AGPAT1: variants seen among roughly 807,000 people sequenced by gnomAD.
AGPAT1 encodes 1-acyl-sn-glycerol-3-phosphate acyltransferase alpha.
AGPAT1 carries 6 observed loss-of-function variants against 31.2 expected under a neutral mutation model. The observed-to-expected ratio is 0.19, with a 90% CI of 0.11 to 0.38. The LOEUF is 0.38. Among genes scored for constraint, AGPAT1 ranks in the 10% least tolerant of loss-of-function variants. The probability of loss-of-function intolerance (pLI) is 1.00; values close to 1 mark genes in which losing one functional copy is unlikely to be tolerated. For missense variants in AGPAT1, 187 were observed against 377.8 expected, an observed-to-expected ratio of 0.49 and a Z score of 4.19; for synonymous variants, 139 against 154.0, an observed-to-expected ratio of 0.90 and a Z score of 0.72.
Position 32,168,625 on chromosome 6 carries a change from G to A in AGPAT1, c.*651C>T, listed in dbSNP as rs1784769854. 6.5e-6 allele frequency: 1 copy of A among 154,156 alleles called. No homozygotes were observed. The highest frequency in any genetic ancestry group is 2.4e-5 in the African/African-American group (1 of 41,432). The allele number at this position is 154,156 out of a possible 1,614,324, so 9.5% of individuals were successfully genotyped here. A position where few individuals can be genotyped will look rare whatever the true frequency, so the allele number is the denominator to read the frequency against. ...ATGGGGACAGAAAACCAGAAATGTG[G>A]AGACTGAACTGGTATCCCAGAGAGT... On this transcript the variant is annotated 3_prime_UTR_variant, in exon 7 of 7. Coordinates refer to ENST00000375107, the MANE Select transcript of AGPAT1 (RefSeq NM_006411.4). This position sits in a 1 kb window ranked among gnomAD's most constrained non-coding sequence, Gnocchi z 4.5.
rs1785124816 is a variant in AGPAT1 at position 32,171,731 on chromosome 6, T to C, written c.-9-226A>G. The C allele has an allele frequency of 4.9e-6, 3 of 606,326 alleles. No individual in the cohort carries two copies. The African/African-American group carries it at 5.5e-5, about 11-fold the overall frequency. 37.6% of individuals were successfully genotyped at this position (606,326 alleles called of 1,614,324 possible). A position where few individuals can be genotyped will look rare whatever the true frequency, so the allele number is the denominator to read the frequency against. On this transcript the variant is annotated intron_variant, in intron 1 of 6. Transcript: ENST00000375107. The surrounding 1 kb of genome is among the most constrained non-coding windows in gnomAD (Gnocchi z 6.9). ...CACCACTCTTCCCAAAGGCTCCGGA[T>C]ATATTCAGACAAGAGACACAAGACA...
chr6:32,169,667 C>G lies in AGPAT1; in HGVS notation c.680-219G>C, dbSNP rs1056832248. 2.0e-5 allele frequency among the ~76,000 whole-genome samples: 3 copies of G among 152,190 alleles called. No individual in the cohort carries two copies. Reference sequence around the variant, plus strand: ...GACATCTCCTCAGCACCCCTCCAGCCCCCCTCCTCTGGGTTTGGCATTTAC... The same window carrying G: ...GACATCTCCTCAGCACCCCTCCAGCGCCCCTCCTCTGGGTTTGGCATTTAC... On this transcript the variant is annotated intron_variant, in intron 6 of 6. Transcript: ENST00000375107. The surrounding 1 kb of genome is among the most constrained non-coding windows in gnomAD (Gnocchi z 5.9).
At position 32,169,461 on chromosome 6, in the gene AGPAT1, G is replaced by T; in HGVS notation, c.680-13C>A. 6.2e-7 allele frequency: 1 copy of T among 1,611,964 alleles called. No individual in the cohort carries two copies. On this transcript the variant is annotated splice_polypyrimidine_tract_variant and intron_variant, in intron 6 of 6. Transcript: ENST00000375107. The surrounding 1 kb of genome is among the most constrained non-coding windows in gnomAD (Gnocchi z 5.9). Reference sequence around the variant, plus strand: ...ACCTGACATTGTCCTGGGGCAAGGGGAGCACCATCATGGCCTGTCCACCCA... The same window carrying T: ...ACCTGACATTGTCCTGGGGCAAGGGTAGCACCATCATGGCCTGTCCACCCA...
chr6:32,177,395 T>C (rs536841413), upstream of AGPAT1: 46 of 294,768 alleles, frequency 1.6e-4, no homozygotes, highest in Admixed American at 2.0e-3. Context: ...GGGCGGGCTT[T>C]GTCCCTTTTG....
rs1003877948 is a variant in AGPAT1 at position 32,170,360 on chromosome 6, TCA to T, written c.510+63_510+64del. The T allele has an allele frequency of 6.2e-7, 1 of 1,610,832 alleles. No individual in the cohort carries two copies. Among genetic ancestry groups the T allele is most frequent in the African/African-American group, 1.3e-5 (1 of 74,836 alleles). On this transcript the variant is annotated intron_variant, in intron 4 of 6. Coordinates refer to ENST00000375107, the MANE Select transcript of AGPAT1 (RefSeq NM_006411.4). This position sits in a 1 kb window ranked among gnomAD's most constrained non-coding sequence, Gnocchi z 7.7. ...CTTTGAGGCCCACTGGCCCTGCATA[TCA>T]GTTTATTTACAACTGTTCTACTCTG...
In AGPAT1 at chr6:32,172,710, T is replaced by C. The variant is rs3130284; in HGVS notation, c.-9-1205A>G. On this transcript the variant is annotated intron_variant, in intron 1 of 6. Coordinates refer to ENST00000375107, the MANE Select transcript of AGPAT1 (RefSeq NM_006411.4). The surrounding 1 kb of genome is among the most constrained non-coding windows in gnomAD (Gnocchi z 4.3). ...ACACAGCACACAGCATATATGGTGA[T>C]TGTGACAGAACACTCACAGCCATAT... Among the ~76,000 whole-genome samples the C allele has an allele frequency of 0.18, 27,490 of 152,116 alleles. 2,630 individuals carry two copies. Among genetic ancestry groups the C allele is most frequent in the Non-Finnish European group, 0.21 (14,376 of 67,972 alleles).
chr6:32,177,593 C>G (rs1352552564), upstream of AGPAT1: 1 of 152,368 alleles, frequency 6.6e-6, no homozygotes, highest in Non-Finnish European at 1.5e-5. Context: ...GGGTTAACAC[C>G]AGCGCCGCAG....
At position 32,173,993 on chromosome 6, in the gene AGPAT1, T is replaced by A. The variant is rs539971676; in HGVS notation, c.-10+1821A>T. ...TTCCAAACTGTTGGGATTACAGGTG[T>A]GAGCCATCGTGGCTGGCTAGCAATC... On this transcript the variant is annotated intron_variant, in intron 1 of 6. Transcript: ENST00000375107. This position sits in a 1 kb window ranked among gnomAD's most constrained non-coding sequence, Gnocchi z 4.7. Among the ~76,000 whole-genome samples, 1 of 152,310 alleles carries A rather than the reference T, an allele frequency of 6.6e-6. No homozygotes were observed. Among genetic ancestry groups the A allele is most frequent in the African/African-American group, 2.4e-5 (1 of 41,560 alleles).
Position 32,170,724 on chromosome 6 carries a change from AG to A in AGPAT1, c.335-125del. ...AGGTGAAGGAGGAGACTAGGCAGGG[AG>A]GGGGGCCCCAAGTGAAGGAAAGGGT... On this transcript the variant is annotated intron_variant, in intron 3 of 6. Transcript: ENST00000375107. This position sits in a 1 kb window ranked among gnomAD's most constrained non-coding sequence, Gnocchi z 7.7. 2.2e-6 allele frequency: 3 copies of A among 1,369,962 alleles called. No individual in the cohort carries two copies. Among genetic ancestry groups the A allele is most frequent in the Non-Finnish European group, 2.0e-6 (2 of 979,712 alleles). 84.9% of individuals were successfully genotyped at this position (1,369,962 alleles called of 1,614,324 possible). A position where few individuals can be genotyped will look rare whatever the true frequency, so the allele number is the denominator to read the frequency against.
In AGPAT1 at chr6:32,173,633, C is replaced by A. The variant is rs1477962767; in HGVS notation, c.-9-2128G>T. On this transcript the variant is annotated intron_variant, in intron 1 of 6. Transcript: ENST00000375107. This position sits in a 1 kb window ranked among gnomAD's most constrained non-coding sequence, Gnocchi z 4.7. Reference sequence around the variant, plus strand: ...ACTCTTTGTTCCAGTCAAACTGATTCACTTCAGTTCCTCAGACACCATGAT... The same window carrying A: ...ACTCTTTGTTCCAGTCAAACTGATTAACTTCAGTTCCTCAGACACCATGAT... Among the ~76,000 whole-genome samples, 1 of 152,224 alleles carries A rather than the reference C, an allele frequency of 6.6e-6. No homozygotes were observed. Among genetic ancestry groups the A allele is most frequent in the Non-Finnish European group, 1.5e-5 (1 of 68,038 alleles).
rs1282819222 is a variant in AGPAT1, at chr6:32,171,536, C to T, written c.-9-31G>A. ...GGGGATGGGGCAAGGGACAATCAGC[C>T]TGGTTTCTGGAGGAGAGTGGGGTAG... On this transcript the variant is annotated intron_variant, in intron 1 of 6. Transcript: ENST00000375107. The surrounding 1 kb of genome is among the most constrained non-coding windows in gnomAD (Gnocchi z 6.9). The T allele has an allele frequency of 4.5e-6, 7 of 1,542,824 alleles. No individual in the cohort carries two copies. Among genetic ancestry groups the T allele is most frequent in the Non-Finnish European group, 6.1e-6 (7 of 1,148,456 alleles).
At position 32,174,906 on chromosome 6, in the gene AGPAT1, C is replaced by T. The variant is rs1219130713; in HGVS notation, c.-10+908G>A. Among the ~76,000 whole-genome samples the T allele has an allele frequency of 6.6e-6, 1 of 152,224 alleles. No homozygotes were observed. The highest frequency in any genetic ancestry group is 1.5e-5 in the Non-Finnish European group (1 of 68,046). Reference sequence around the variant, plus strand: ...AGTGTATCATGCAAAGGCGCATACACATGTGTTCTGTGAACTGTGACTGGG... The same window carrying T: ...AGTGTATCATGCAAAGGCGCATACATATGTGTTCTGTGAACTGTGACTGGG... On this transcript the variant is annotated intron_variant, in intron 1 of 6. Transcript: ENST00000375107. The surrounding 1 kb of genome is among the most constrained non-coding windows in gnomAD (Gnocchi z 4.5).
rs1785233905 is a variant in AGPAT1 at position 32,172,967 on chromosome 6, T to A, written c.-9-1462A>T. On this transcript the variant is annotated intron_variant, in intron 1 of 6. Transcript: ENST00000375107. This position sits in a 1 kb window ranked among gnomAD's most constrained non-coding sequence, Gnocchi z 4.3. ...AATAGCTACAAAGACCAATCCTACCTCCAGACAGGCAAACGAATCCTACTA... is the reference window on the plus strand; with the variant it reads ...AATAGCTACAAAGACCAATCCTACCACCAGACAGGCAAACGAATCCTACTA... 6.6e-6 allele frequency: 1 copy of A among 152,146 alleles called. No individual in the cohort carries two copies. The highest frequency in any genetic ancestry group is 2.4e-5 in the African/African-American group (1 of 41,412). 9.4% of individuals were successfully genotyped at this position (152,146 alleles called of 1,614,324 possible). A position where few individuals can be genotyped will look rare whatever the true frequency, so the allele number is the denominator to read the frequency against.
In AGPAT1 at chr6:32,175,200, G is replaced by A. The variant is rs56284617; in HGVS notation, c.-10+614C>T. On this transcript the variant is annotated intron_variant, in intron 1 of 6. Coordinates refer to ENST00000375107, the MANE Select transcript of AGPAT1 (RefSeq NM_006411.4). The surrounding 1 kb of genome is among the most constrained non-coding windows in gnomAD (Gnocchi z 4.5). ...CATGTCAAAACTGGATGTGAGACAT[G>A]GACACAAGAATGAAGAATGGGCAAT... is the stretch of plus-strand genomic sequence containing the variant. Among the ~76,000 whole-genome samples, 1 of 152,140 alleles carries A rather than the reference G, an allele frequency of 6.6e-6. No homozygotes were observed. Among genetic ancestry groups the A allele is most frequent in the Non-Finnish European group, 1.5e-5 (1 of 68,016 alleles).
chr6:32,170,143 CAGAACGA>C lies in AGPAT1; in HGVS notation c.606+15_606+21del. ...ATGGTGGGGGTTGGCAGCTGAGTAG[CAGAACGA>C]AGAGCAGTAGTCACCTGGGCCTGCA... On this transcript the variant is annotated intron_variant, in intron 5 of 6. Transcript: ENST00000375107. This position sits in a 1 kb window ranked among gnomAD's most constrained non-coding sequence, Gnocchi z 7.7. 6.2e-7 allele frequency: 1 copy of C among 1,613,672 alleles called. No homozygotes were observed. Among genetic ancestry groups the C allele is most frequent in the African/African-American group, 1.3e-5 (1 of 75,010 alleles).
At position 32,170,853 on chromosome 6, in the gene AGPAT1, G is replaced by A. The variant is rs188766225; in HGVS notation, c.334+84C>T. 1,703 of 1,511,880 alleles carry A rather than the reference G, an allele frequency of 1.1e-3. 6 individuals are homozygous for A. The highest frequency in any genetic ancestry group is 9.6e-3 in the Middle Eastern group (46 of 4,786). The allele number at this position is 1,511,880 out of a possible 1,614,324, so 93.7% of individuals were successfully genotyped here. On this transcript the variant is annotated intron_variant, in intron 3 of 6. Coordinates refer to ENST00000375107, the MANE Select transcript of AGPAT1 (RefSeq NM_006411.4). This position sits in a 1 kb window ranked among gnomAD's most constrained non-coding sequence, Gnocchi z 7.7. Reference sequence around the variant, plus strand: ...AATGTCCCAGAGGAAGGGGAATTGAGGATCTCTAGGAGAAGATATTCTAGG... The same window carrying A: ...AATGTCCCAGAGGAAGGGGAATTGAAGATCTCTAGGAGAAGATATTCTAGG...
upstream of AGPAT1, chr6:32,176,398 G>T: frequency 1.4e-6 from 1 of 720,646 alleles, no homozygotes; most frequent in Non-Finnish European, 1.7e-6. Flanking sequence ...CTTTTACTTG[G>T]TCTCTTTTTT....
chr6:32,176,487 A>G, upstream of AGPAT1: 1 of 985,270 alleles, frequency 1.0e-6, no homozygotes, highest in Non-Finnish European at 1.2e-6. Flanking sequence ...TCAATTCTAA[A>G]CATTTATCAA....
chr6:32,176,846 C>T, upstream of AGPAT1: 1 of 395,338 alleles, frequency 2.5e-6, no homozygotes, highest in Non-Finnish European at 4.5e-6. Flanking sequence ...GGAAATTTGG[C>T]TTCAGGGGTG....
Sources: gnomAD v4.1 joint callset for allele counts (sites outside exome capture counted in the v4.1 genomes callset) on GRCh38, gnomAD v4.1.1 for gene constraint, Gnocchi (gnomAD v3.1) non-coding constraint, MANE v1.5 for transcripts, NCBI Gene and HGNC (gene_info 2026-07-23, HGNC 2026-07-21) for gene names.